BANF2: variants seen among roughly 807,000 people sequenced by gnomAD.
BANF2 encodes barrier-to-autointegration factor-like protein.
A neutral mutation model predicts 8.0 loss-of-function variants in BANF2; 4 were observed. That is an observed-to-expected ratio of 0.50 (90% CI 0.25 to 1.14). The LOEUF (loss-of-function observed/expected upper bound fraction) is 1.14. Ranked by LOEUF, BANF2 falls within the 50% of genes most tolerant of loss-of-function variation. BANF2 has a pLI of 0.16. For synonymous variants in BANF2, 50 were observed against 40.6 expected, an observed-to-expected ratio of 1.23 and a Z score of -0.88; for missense variants, 96 against 107.5, an observed-to-expected ratio of 0.89 and a Z score of 0.47.
At chr20:17,707,587 CTT>C (rs960556984) in intron 1 of BANF2, among the ~76,000 whole-genome samples, 1 of 150,842 alleles carries the variant, frequency 6.6e-6, no homozygotes, top group African/African-American at 2.4e-5. Context: ...TATATATATA[CTT>C]TTTTTTTGAG....
At chr20:17,695,256 G>C (rs1252650128), upstream of BANF2, among the ~76,000 whole-genome samples, 1 of 151,422 alleles carries the variant, frequency 6.6e-6, no homozygotes, top group African/African-American at 2.4e-5. Context: ...AGACCAGCCT[G>C]GTCAACAAAG....
chr20:17,729,606 C>T (rs2122647095), intron 3 of BANF2, among the ~76,000 whole-genome samples: 1 of 152,278 alleles, frequency 6.6e-6, no homozygotes, highest in Middle Eastern at 3.4e-3. Context: ...TGTGGTGGTA[C>T]ATGCCTGTAG....
At chr20:17,731,784 A>G (rs1302474784) in intron 3 of BANF2, among the ~76,000 whole-genome samples, 2 of 141,148 alleles carry the variant, frequency 1.4e-5, no homozygotes, top group East Asian at 2.0e-4. Flanking sequence ...AAAAAAAAGT[A>G]GGCCAGGCGT....
intron 1 of BANF2, among the ~76,000 whole-genome samples, chr20:17,705,055 G>A (rs1479829869): frequency 4.7e-5 from 6 of 128,388 alleles, no homozygotes; most frequent in African/African-American, 2.0e-4. Context: ...TCATTGGCCA[G>A]GCCTGGTCAT....
chr20:17,735,462 A>G (rs1184374086), intron 3 of BANF2, among the ~76,000 whole-genome samples: 2 of 152,170 alleles, frequency 1.3e-5, no homozygotes, highest in African/African-American at 4.8e-5. Flanking sequence ...CAGCCCTGAG[A>G]GATGGGCATT....
intron 3 of BANF2, among the ~76,000 whole-genome samples, chr20:17,729,040 T>C (rs2037854227): frequency 6.6e-6 from 1 of 152,194 alleles, no homozygotes; most frequent in South Asian, 2.1e-4. Context: ...TTACTGTGGC[T>C]ACTAGGAAAA....
chr20:17,696,116 T>TGATC (rs1274975968), upstream of BANF2, among the ~76,000 whole-genome samples: 3 of 152,264 alleles, frequency 2.0e-5, no homozygotes, highest in East Asian at 5.8e-4. Context: ...GGGGCTATGA[T>TGATC]GAGTAAAGAA....
At chr20:17,725,446 G>A (rs963920771) in intron 3 of BANF2, among the ~76,000 whole-genome samples, 3 of 152,230 alleles carry the variant, frequency 2.0e-5, no homozygotes, top group African/African-American at 4.8e-5. Flanking sequence ...GTCAGCCGCC[G>A]GGGTCTGAGA....
chr20:17,735,339 T>C (rs2037962088), intron 3 of BANF2, among the ~76,000 whole-genome samples: 1 of 152,190 alleles, frequency 6.6e-6, no homozygotes, highest in Non-Finnish European at 1.5e-5. Context: ...GGCCTCTCCC[T>C]GGACTTAGAC....
At chr20:17,703,652 C>A (rs1334134030) in intron 1 of BANF2, among the ~76,000 whole-genome samples, 1 of 151,790 alleles carries the variant, frequency 6.6e-6, no homozygotes, top group Non-Finnish European at 1.5e-5. Context: ...ACTCACACAG[C>A]TGGGACTTTT....
At chr20:17,704,874 C>A (rs2037459114) in intron 1 of BANF2, among the ~76,000 whole-genome samples, 1 of 152,164 alleles carries the variant, frequency 6.6e-6, no homozygotes, top group Non-Finnish European at 1.5e-5. Flanking sequence ...CTGACAGGAT[C>A]CCCCACAAGT....
At chr20:17,698,836 A>T (rs915101989), upstream of BANF2, among the ~76,000 whole-genome samples, 1 of 152,202 alleles carries the variant, frequency 6.6e-6, no homozygotes, top group Non-Finnish European at 1.5e-5. Flanking sequence ...GAACCCAGAG[A>T]GCTCAGCCAG....
upstream of BANF2, among the ~76,000 whole-genome samples, chr20:17,697,898 G>C (rs1382182461): frequency 6.6e-6 from 1 of 152,072 alleles, no homozygotes; most frequent in African/African-American, 2.4e-5. Flanking sequence ...TGTGAGAGCT[G>C]GCTGTTTAAA....
At chr20:17,734,284 A>G (rs1219613628) in intron 3 of BANF2, among the ~76,000 whole-genome samples, 1 of 152,238 alleles carries the variant, frequency 6.6e-6, no homozygotes, top group Non-Finnish European at 1.5e-5. Flanking sequence ...TGTATTTTTT[A>G]TCCACAGAGA....
chr20:17,720,146 C>T (rs1286226436), intron 1 of BANF2, among the ~76,000 whole-genome samples: 2 of 152,176 alleles, frequency 1.3e-5, no homozygotes, highest in African/African-American at 2.4e-5. Flanking sequence ...ATAAGTGCCA[C>T]TGGTACAGCC....
rs1256251082 is a variant in BANF2, at chr20:17,694,599, C to CTTTTTTTTTTTTTTTTTTTTTTTTT, written c.18+894_18+895insTTTTTTTTTTTTTTTTTTTTTTTTT. On this transcript the variant is annotated intron_variant, in intron 1 of 2. Coordinates refer to the BANF2 transcript ENST00000545418. The stretch of plus-strand genomic sequence containing the variant: ...AGGGGGCTATTTTTGTTTTTTCTCT[C>CTTTTTTTTTTTTTTTTTTTTTTTTT]TCTTTTTTTTTTTTTTTTTTTTTTT... 4.5e-4 allele frequency among the ~76,000 whole-genome samples: 37 copies of CTTTTTTTTTTTTTTTTTTTTTTTTT among 82,772 alleles called. 2 individuals are homozygous for CTTTTTTTTTTTTTTTTTTTTTTTTT. The highest frequency in any genetic ancestry group is 6.1e-4 in the Non-Finnish European group (28 of 46,174). 54.3% of individuals were successfully genotyped at this position (82,772 alleles called of 152,430 possible).
intron 1 of BANF2, among the ~76,000 whole-genome samples, chr20:17,700,901 T>C (rs768744671): frequency 1.3e-5 from 2 of 152,176 alleles, no homozygotes; most frequent in Non-Finnish European, 2.9e-5. Flanking sequence ...ATTCACCATC[T>C]GTGAGTGCCA....
intron 3 of BANF2, among the ~76,000 whole-genome samples, chr20:17,727,582 A>T (rs2037826540): frequency 6.6e-6 from 1 of 152,106 alleles, no homozygotes; most frequent in Non-Finnish European, 1.5e-5. Context: ...GAGGAGACCC[A>T]GATGCGGCCC....
chr20:17,720,073 A>T (rs545927048), intron 1 of BANF2, among the ~76,000 whole-genome samples: 1 of 152,328 alleles, frequency 6.6e-6, no homozygotes, highest in South Asian at 2.1e-4. Context: ...TGGAGGTGGG[A>T]TCCAAGCATC....
Sources: gnomAD v4.1 joint callset for allele counts (sites outside exome capture counted in the v4.1 genomes callset) on GRCh38, gnomAD v4.1.1 for gene constraint, MANE v1.5 for transcripts, NCBI Gene and HGNC (gene_info 2026-07-23, HGNC 2026-07-21) for gene names.